The following LARS2 variants were observed in gnomAD, a reference collection of about 807,000 sequenced individuals.
The protein encoded by LARS2 is leucine--tRNA ligase, mitochondrial.
Under a neutral mutation model 116.6 loss-of-function variants are expected in LARS2, and 81 were observed. That is an observed-to-expected ratio of 0.69 (90% CI 0.58 to 0.84). The LOEUF is 0.84. Ranked by LOEUF, LARS2 falls within the 40% of genes least tolerant of loss-of-function variation. The pLI, the probability that LARS2 is intolerant of heterozygous loss-of-function variation, is 0.00. For missense variants in LARS2, 968 were observed against 1,114.5 expected (o/e 0.87, Z 1.87); for synonymous variants, 396 against 407.2 (o/e 0.97, Z 0.33).
intron 21 of LARS2, among the ~76,000 whole-genome samples, chr3:45,542,644 A>C (rs1374192434): frequency 6.6e-6 from 1 of 152,210 alleles, no homozygotes. Context: ...CAGGTAATTC[A>C]CATTCAAAAT....
At chr3:45,408,691 G>A (rs966098335) in intron 4 of LARS2, among the ~76,000 whole-genome samples, 1 of 152,192 alleles carries the variant, frequency 6.6e-6, no homozygotes, top group African/African-American at 2.4e-5. Flanking sequence ...CTGCAGCTGA[G>A]ATCAGCCTTT....
rs1553628118 is a variant in LARS2, at chr3:45,417,534, C to T, written c.416C>T (p.Ala139Val). The change falls in exon 5 of 22, where the codon GCA becomes GTA. Residue 139 changes from alanine to valine, a missense_variant. Ala to Val is a moderately conservative substitution (Grantham distance 64, BLOSUM62 0). Coordinates refer to ENST00000645846, the MANE Select transcript of LARS2 (RefSeq NM_015340.4). ...DAFGLPAENA[A>V]VERNLHPQSW... is the part of the protein sequence containing the mutation. ...TTTGGATTGCCTGCTGAAAATGCCG[C>T]AGTCGAGAGGAATCTACATCCACAA... 1 of 1,614,104 alleles carries T rather than the reference C, an allele frequency of 6.2e-7. No homozygotes were observed. The highest frequency in any genetic ancestry group is 1.6e-4 in the Middle Eastern group (1 of 6,062).
chr3:45,489,958 C>T (rs2125731238), intron 12 of LARS2, among the ~76,000 whole-genome samples: 1 of 152,274 alleles, frequency 6.6e-6, no homozygotes, highest in East Asian at 1.9e-4. Context: ...CCCATCTTGG[C>T]TGATCTTGAT....
Position 45,519,868 on chromosome 3 carries a change from G to A in LARS2, c.2215-351G>A, listed in dbSNP as rs960807096. ...TTGCCACATTGGCCAGGCTGGTCTC[G>A]AACTCTTGACCTCAAGTAATCCACC... On this transcript the variant is annotated intron_variant, in intron 18 of 21. Transcript: ENST00000645846. The A allele has an allele frequency of 1.8e-4, 33 of 183,390 alleles. No homozygotes were observed. The East Asian group carries it at 4.2e-3, about 23-fold the overall frequency. 11.4% of individuals were successfully genotyped at this position (183,390 alleles called of 1,614,324 possible).
chr3:45,450,678 A>T (rs1699113265), intron 7 of LARS2, among the ~76,000 whole-genome samples: 1 of 152,270 alleles, frequency 6.6e-6, no homozygotes, highest in African/African-American at 2.4e-5. Flanking sequence ...CACAATAAGC[A>T]TAGAAGTGCA....
At chr3:45,400,779 C>T (rs1287625037) in intron 4 of LARS2, among the ~76,000 whole-genome samples, 1 of 152,082 alleles carries the variant, frequency 6.6e-6, no homozygotes, top group Admixed American at 6.6e-5. Flanking sequence ...TCTTTCTGTT[C>T]TATTTGATAT....
intron 10 of LARS2, among the ~76,000 whole-genome samples, chr3:45,478,074 C>T (rs926633748): frequency 3.3e-5 from 5 of 152,146 alleles, no homozygotes; most frequent in African/African-American, 7.2e-5. Context: ...GCAGATGTCA[C>T]CTCTCAGTTT....
chr3:45,537,587 C>T (rs999332895), intron 20 of LARS2, among the ~76,000 whole-genome samples: 12 of 152,160 alleles, frequency 7.9e-5, no homozygotes, highest in African/African-American at 2.9e-4. Context: ...GAAATTATTT[C>T]TCTGTGTAAA....
Position 45,541,959 on chromosome 3 carries a change from A to T in LARS2, c.2532+3A>T. On this transcript the variant is annotated splice_donor_region_variant and intron_variant, in intron 21 of 21. Coordinates refer to ENST00000645846, the MANE Select transcript of LARS2 (RefSeq NM_015340.4). ...AGGTTGTCCAGATGGCAGTTCTGGT[A>T]AGTATCTCCCCTCAACCCCAGAACC... 6.2e-7 allele frequency: 1 copy of T among 1,614,110 alleles called. No homozygotes were observed. The highest frequency in any genetic ancestry group is 1.1e-5 in the South Asian group (1 of 91,074).
At chr3:45,469,356 G>GT (rs67474665) in intron 8 of LARS2, among the ~76,000 whole-genome samples, 1 of 151,828 alleles carries the variant, frequency 6.6e-6, no homozygotes, top group East Asian at 1.9e-4. Flanking sequence ...CTTGTTTTTT[G>GT]TTTTTTTGAG....
At chr3:45,430,591 T>C (rs1230227815) in intron 6 of LARS2, among the ~76,000 whole-genome samples, 8 of 143,902 alleles carry the variant, frequency 5.6e-5, no homozygotes, top group Non-Finnish European at 1.1e-4. Flanking sequence ...ATCTTTTTTT[T>C]TTTTTTTTTT....
At chr3:45,390,295 CATTTTT>C (rs1310707102) in intron 1 of LARS2, among the ~76,000 whole-genome samples, 7 of 151,984 alleles carry the variant, frequency 4.6e-5, no homozygotes, top group South Asian at 2.1e-4. Context: ...TTCCTTTGCC[CATTTTT>C]ATTTTTATTT....
Position 45,547,506 on chromosome 3 carries a change from C to T in LARS2, c.2688C>T (p.Leu896=), listed in dbSNP as rs779395334. The T allele has an allele frequency of 2.5e-6, 4 of 1,606,104 alleles. No individual in the cohort carries two copies. The African/African-American group carries it at 4.0e-5, about 16-fold the overall frequency. The change falls in exon 22 of 22, where the codon CTC becomes CTT. Residue 896 remains leucine, a synonymous_variant. Transcript: ENST00000645846. ...CCTTCCTTTCCCCGAGAACTGCCCT[C>T]ATCAACTTCCTGGTGCAAGATTGAC... is the stretch of plus-strand genomic sequence containing the variant. The part of the protein sequence containing the change: ...KKSFLSPRTA[L]INFLVQD
chr3:45,390,634 A>AT (rs1456794599), intron 1 of LARS2, among the ~76,000 whole-genome samples: 1 of 140,360 alleles, frequency 7.1e-6, no homozygotes. Context: ...TTTTATTTTT[A>AT]TTATTTATTT....
chr3:45,433,235 A>G (rs1440254725), intron 6 of LARS2, among the ~76,000 whole-genome samples: 2 of 152,120 alleles, frequency 1.3e-5, no homozygotes, highest in African/African-American at 4.8e-5. Context: ...TGGCATGTGT[A>G]GACCATTTAC....
intron 15 of LARS2, among the ~76,000 whole-genome samples, chr3:45,507,251 T>A (rs1049145776): frequency 1.1e-4 from 17 of 151,496 alleles, no homozygotes; most frequent in African/African-American, 3.9e-4. Context: ...AAAAAAAAAA[T>A]TTCCCTCACT....
chr3:45,436,697 G>A (rs1385459714), intron 6 of LARS2, among the ~76,000 whole-genome samples: 2 of 151,680 alleles, frequency 1.3e-5, no homozygotes, highest in African/African-American at 2.4e-5. Flanking sequence ...GGGAGGCTGA[G>A]GCAAGAGAAT....
At chr3:45,520,521 C>T (rs1174916146) in intron 19 of LARS2, among the ~76,000 whole-genome samples, 3 of 152,176 alleles carry the variant, frequency 2.0e-5, no homozygotes, top group Non-Finnish European at 4.4e-5. Context: ...CAATATTTTA[C>T]AGATGAGGAC....
intron 6 of LARS2, among the ~76,000 whole-genome samples, chr3:45,430,581 A>AT (rs1559466627): frequency 1.1e-5 from 1 of 87,910 alleles, no homozygotes; most frequent in Non-Finnish European, 2.2e-5. Context: ...CGCCCGGCCA[A>AT]TCTTTTTTTT....
Sources: gnomAD v4.1 joint callset for allele counts (sites outside exome capture counted in the v4.1 genomes callset) on GRCh38, gnomAD v4.1.1 for gene constraint, MANE v1.5 for transcripts, NCBI Gene and HGNC (gene_info 2026-07-23, HGNC 2026-07-21) for gene names.